The following ZBTB20 variants were observed in gnomAD, a reference collection of about 807,000 sequenced individuals.
The protein encoded by ZBTB20 is zinc finger and BTB domain-containing protein 20.
ZBTB20 carries 9 observed loss-of-function variants against 56.9 expected under a neutral mutation model. The ratio of observed to expected loss-of-function variants is 0.16; its 90% confidence interval spans 0.10 to 0.28. ZBTB20 has a LOEUF of 0.28. ZBTB20 is among the 10% of genes least tolerant of loss of function. The probability of loss-of-function intolerance (pLI) is 1.00; values close to 1 mark genes in which losing one functional copy is unlikely to be tolerated. For synonymous variants in ZBTB20, 417 were observed against 420.7 expected (o/e 0.99, Z 0.11); for missense variants, 655 against 1,003.0 (o/e 0.65, Z 4.69).
chr3:114,835,804 C>CT (rs34878407), intron 4 of ZBTB20, among the ~76,000 whole-genome samples: 1 of 151,806 alleles, frequency 6.6e-6, no homozygotes, highest in South Asian at 2.1e-4. Context: ...CATTTTTTTT[C>CT]TTTTTTTGTA....
intron 2 of ZBTB20, among the ~76,000 whole-genome samples, chr3:115,062,037 T>G (rs2082030227): frequency 6.6e-6 from 1 of 151,232 alleles, no homozygotes; most frequent in Non-Finnish European, 1.5e-5. Flanking sequence ...ATACTCAGCT[T>G]AGACTAACCA....
chr3:114,444,495 G>A (rs1412608970), intron 7 of ZBTB20, among the ~76,000 whole-genome samples: 13 of 152,238 alleles, frequency 8.5e-5, no homozygotes, highest in East Asian at 3.9e-4. Context: ...CTTCAAAGTG[G>A]GATATCACTT....
intron 5 of ZBTB20, among the ~76,000 whole-genome samples, chr3:114,733,141 T>C (rs1417135951): frequency 6.6e-6 from 1 of 152,174 alleles, no homozygotes; most frequent in Non-Finnish European, 1.5e-5. Context: ...ATAAAAATGA[T>C]TTTTCCACAT....
intron 5 of ZBTB20, among the ~76,000 whole-genome samples, chr3:114,742,257 G>C (rs977753276): frequency 2.0e-5 from 3 of 152,102 alleles, no homozygotes; most frequent in Non-Finnish European, 4.4e-5. Context: ...CATAATAAAG[G>C]TTGAGCCTGT....
At position 114,335,860 on chromosome 3, in the gene ZBTB20, T is replaced by G. The variant is rs9851950; in HGVS notation, c.*3145A>C. 0.47 allele frequency: 71,256 copies of G among 151,852 alleles called. 17,462 individuals carry two copies. Among genetic ancestry groups the G allele is most frequent in the East Asian group, 0.86 (4,426 of 5,170 alleles). 9.4% of individuals were successfully genotyped at this position (151,852 alleles called of 1,614,324 possible). A position where few individuals can be genotyped will look rare whatever the true frequency, so the allele number is the denominator to read the frequency against. ...CCTTTACAGGGAAAGGATGATAGAC[T>G]CCTCAGGGTTTCAAGTCACCTGCAG... On this transcript the variant is annotated 3_prime_UTR_variant, in exon 12 of 12. Transcript: ENST00000675478.
intron 4 of ZBTB20, chr3:114,873,841 C>A (rs1032290901): frequency 9.9e-5 from 15 of 152,176 alleles, no homozygotes; most frequent in Non-Finnish European, 1.2e-4. Flanking sequence ...CAATCTATTT[C>A]TTTCCAGACT....
At chr3:114,618,238 CTTTT>C (rs111549198) in intron 6 of ZBTB20, among the ~76,000 whole-genome samples, 1 of 119,292 alleles carries the variant, frequency 8.4e-6, no homozygotes, top group Non-Finnish European at 1.7e-5. Flanking sequence ...TGTTTCTTTC[CTTTT>C]TTTTTTTTTT....
At chr3:115,084,381 T>C (rs1396352414) in intron 1 of ZBTB20, among the ~76,000 whole-genome samples, 1 of 151,480 alleles carries the variant, frequency 6.6e-6, no homozygotes, top group African/African-American at 2.4e-5. Flanking sequence ...AATAGCACTC[T>C]ATGCTTAAAA....
chr3:114,735,819 C>G (rs903834185), intron 5 of ZBTB20, among the ~76,000 whole-genome samples: 2 of 151,976 alleles, frequency 1.3e-5, no homozygotes, highest in Admixed American at 6.6e-5. Flanking sequence ...TATTAACCAA[C>G]ATTACTTATA....
intron 4 of ZBTB20, among the ~76,000 whole-genome samples, chr3:114,829,005 A>G (rs1307455896): frequency 1.3e-5 from 2 of 151,790 alleles, no homozygotes; most frequent in African/African-American, 2.4e-5. Context: ...GCTCCTTTCA[A>G]CATCCTGCAT....
intron 6 of ZBTB20, among the ~76,000 whole-genome samples, chr3:114,562,873 A>T (rs1301212020): frequency 6.6e-6 from 1 of 152,200 alleles, no homozygotes; most frequent in Admixed American, 6.5e-5. Flanking sequence ...GTCATCTTAT[A>T]TGGGTGTGGT....
intron 10 of ZBTB20, among the ~76,000 whole-genome samples, chr3:114,364,825 A>G (rs952933050): frequency 1.6e-4 from 24 of 152,196 alleles, no homozygotes; most frequent in Non-Finnish European, 2.6e-4. Flanking sequence ...CTGTAGCCCC[A>G]AAGATACATA....
In ZBTB20 at chr3:114,446,124, T is replaced by C. The variant is rs78646674; in HGVS notation, c.-255+54228A>G. Reference sequence around the variant, plus strand: ...TTTGCCTGACTAAATTCTAAACACATAGCTTAAATAAAGGGTTGAAAGCCT... The same window carrying C: ...TTTGCCTGACTAAATTCTAAACACACAGCTTAAATAAAGGGTTGAAAGCCT... On this transcript the variant is annotated intron_variant, in intron 7 of 11. Coordinates refer to ENST00000675478, the MANE Select transcript of ZBTB20 (RefSeq NM_001348800.3). Among the ~76,000 whole-genome samples, 439 of 152,228 alleles carry C rather than the reference T, an allele frequency of 2.9e-3. 2 individuals are homozygous for C. Among genetic ancestry groups the C allele is most frequent in the African/African-American group, 0.01 (425 of 41,548 alleles).
At chr3:114,873,971 C>T (rs1215170207) in intron 4 of ZBTB20, 1 of 152,118 alleles carries the variant, frequency 6.6e-6, no homozygotes, top group East Asian at 1.9e-4. Context: ...ACTGCCTGGA[C>T]AAATAACTTA....
At chr3:115,000,620 T>C (rs2079207576) in intron 2 of ZBTB20, among the ~76,000 whole-genome samples, 1 of 151,618 alleles carries the variant, frequency 6.6e-6, no homozygotes, top group Non-Finnish European at 1.5e-5. Context: ...AGTATCCATG[T>C]TGTGGACAAG....
At chr3:114,560,888 T>A (rs545944942) in intron 6 of ZBTB20, among the ~76,000 whole-genome samples, 31 of 152,310 alleles carry the variant, frequency 2.0e-4, no homozygotes, top group African/African-American at 7.2e-4. Flanking sequence ...TGATAGCATT[T>A]TACCCACAGT....
chr3:114,410,259 T>C (rs1006417399), intron 7 of ZBTB20, among the ~76,000 whole-genome samples: 2 of 152,096 alleles, frequency 1.3e-5, no homozygotes, highest in African/African-American at 4.8e-5. Flanking sequence ...CTTGTTCCCT[T>C]CTCTCCTGTT....
chr3:114,350,131 G>T lies in ZBTB20; in HGVS notation c.1804+143C>A. On this transcript the variant is annotated intron_variant, in intron 11 of 11. Transcript: ENST00000675478. ...CTTATGATGGGAGGAACACAGTTGG[G>T]GTTTCTAGAAGAGGCTTGTGGTGGG... 4 of 1,210,318 alleles carry T rather than the reference G, an allele frequency of 3.3e-6. No homozygotes were observed. In the South Asian group the frequency reaches 6.2e-5, roughly 19 times the overall value. 75.0% of individuals were successfully genotyped at this position (1,210,318 alleles called of 1,614,324 possible).
Position 114,713,050 on chromosome 3 carries a change from T to C in ZBTB20, c.-342-19475A>G, listed in dbSNP as rs543655301. ...TGATAGATAACTAGGCATTACTAGG[T>C]TATAAGATGATTAAGAATTAATCAG... is the stretch of plus-strand genomic sequence containing the variant. On this transcript the variant is annotated intron_variant, in intron 5 of 11. Coordinates refer to ENST00000675478, the MANE Select transcript of ZBTB20 (RefSeq NM_001348800.3). Among the ~76,000 whole-genome samples, 38 of 152,296 alleles carry C rather than the reference T, an allele frequency of 2.5e-4. 1 individual carries two copies. In the South Asian group the frequency reaches 7.5e-3, roughly 30 times the overall value.
Sources: gnomAD v4.1 joint callset for allele counts (sites outside exome capture counted in the v4.1 genomes callset) on GRCh38, gnomAD v4.1.1 for gene constraint, MANE v1.5 for transcripts, NCBI Gene and HGNC (gene_info 2026-07-23, HGNC 2026-07-21) for gene names.